IGSF21: variants seen among roughly 807,000 people sequenced by gnomAD.
IGSF21 encodes immunoglobin superfamily member 21, also known as immunoglobulin superfamily member 21.
IGSF21 carries 28 observed loss-of-function variants against 46.8 expected under a neutral mutation model. The observed-to-expected ratio is 0.60, with a 90% confidence interval of 0.44 to 0.82. The LOEUF (loss-of-function observed/expected upper bound fraction) is 0.82, where lower values mean the gene tolerates loss of function less well. Ranked by LOEUF, IGSF21 falls within the 40% of genes least tolerant of loss-of-function variation. The pLI is 0.00. For synonymous variants in IGSF21, 284 were observed against 273.6 expected (o/e 1.04, Z -0.38); for missense variants, 624 against 665.5 (o/e 0.94, Z 0.69).
At chr1:18,341,713 A>G (rs2085843678) in intron 4 of IGSF21, among the ~76,000 whole-genome samples, 1 of 152,218 alleles carries the variant, frequency 6.6e-6, no homozygotes, top group Non-Finnish European at 1.5e-5. Context: ...GTATATAGCC[A>G]TCCTGCATGT....
At chr1:18,152,929 A>G (rs1261030360) in intron 1 of IGSF21, among the ~76,000 whole-genome samples, 1 of 152,174 alleles carries the variant, frequency 6.6e-6, no homozygotes, top group African/African-American at 2.4e-5. Flanking sequence ...GCTATCTTAT[A>G]GGGTACAGGT....
chr1:18,215,018 G>A (rs944987095), intron 1 of IGSF21, among the ~76,000 whole-genome samples: 2 of 152,128 alleles, frequency 1.3e-5, no homozygotes, highest in Non-Finnish European at 2.9e-5. Context: ...AAGATTACAG[G>A]CGTGAGCCAC....
intron 2 of IGSF21, among the ~76,000 whole-genome samples, chr1:18,257,701 T>C (rs930447423): frequency 1.3e-5 from 2 of 152,300 alleles, no homozygotes; most frequent in African/African-American, 4.8e-5. Context: ...GCATGCCTAC[T>C]GTGCACCAGG....
intron 1 of IGSF21, among the ~76,000 whole-genome samples, chr1:18,149,866 A>T (rs1281991138): frequency 6.6e-6 from 1 of 151,970 alleles, no homozygotes; most frequent in Admixed American, 6.6e-5. Flanking sequence ...CTCTGGGATG[A>T]TGTGGAACTC....
intron 1 of IGSF21, among the ~76,000 whole-genome samples, chr1:18,128,429 G>T (rs2086291128): frequency 6.6e-6 from 1 of 152,162 alleles, no homozygotes; most frequent in South Asian, 2.1e-4. Context: ...CCTGGCCAGG[G>T]CGTATGTTTG....
chr1:18,339,090 C>T (rs926511445), intron 4 of IGSF21, among the ~76,000 whole-genome samples: 3 of 152,196 alleles, frequency 2.0e-5, no homozygotes, highest in Non-Finnish European at 4.4e-5. Context: ...GGCCACCCTC[C>T]GCGTGCCAGC....
chr1:18,179,990 T>C (rs1232087734), intron 1 of IGSF21, among the ~76,000 whole-genome samples: 2 of 152,190 alleles, frequency 1.3e-5, no homozygotes, highest in Admixed American at 6.5e-5. Context: ...CCTGGCATCC[T>C]CTTTCCTGGT....
intron 2 of IGSF21, among the ~76,000 whole-genome samples, chr1:18,237,698 T>C (rs2084686168): frequency 6.6e-6 from 1 of 152,228 alleles, no homozygotes; most frequent in East Asian, 1.9e-4. Flanking sequence ...CAGCACCTGG[T>C]AGCTTAGTTA....
At chr1:18,217,591 C>T (rs1487977741) in intron 1 of IGSF21, among the ~76,000 whole-genome samples, 1 of 152,228 alleles carries the variant, frequency 6.6e-6, no homozygotes, top group Non-Finnish European at 1.5e-5. Context: ...CTTCCTGCTG[C>T]CACCTTGTGG....
chr1:18,332,773 C>T (rs1312207624), intron 3 of IGSF21, among the ~76,000 whole-genome samples: 4 of 152,112 alleles, frequency 2.6e-5, no homozygotes, highest in Non-Finnish European at 5.9e-5. Flanking sequence ...CAGATGTCAA[C>T]CTCTGTGTGT....
intron 1 of IGSF21, among the ~76,000 whole-genome samples, chr1:18,195,962 C>A (rs1239935913): frequency 1.3e-5 from 2 of 152,216 alleles, no homozygotes; most frequent in Non-Finnish European, 2.9e-5. Flanking sequence ...GTGGCAGGTG[C>A]AGAGCCCTTG....
chr1:18,158,730 C>T (rs562463905), intron 1 of IGSF21, among the ~76,000 whole-genome samples: 6 of 152,332 alleles, frequency 3.9e-5, no homozygotes, highest in South Asian at 4.1e-4. Flanking sequence ...CTGTGTGACC[C>T]TGGACAAGTC....
intron 4 of IGSF21, 51 bp from the exon 5 acceptor site, chr1:18,362,064 C>T (rs1033681443): frequency 7.5e-7 from 1 of 1,333,640 alleles, no homozygotes; most frequent in Non-Finnish European, 1.1e-6. Context: ...GTGAACTCTT[C>T]CTGAATCTCC....
chr1:18,305,603 T>TGG (rs1167938320), intron 3 of IGSF21, among the ~76,000 whole-genome samples: 48 of 149,140 alleles, frequency 3.2e-4, no homozygotes, highest in African/African-American at 7.6e-4. Context: ...GGATGATGGA[T>TGG]AGATGGATGG....
intron 4 of IGSF21, among the ~76,000 whole-genome samples, chr1:18,353,896 G>A (rs555282315): frequency 6.6e-6 from 1 of 152,366 alleles, no homozygotes; most frequent in East Asian, 1.9e-4. Context: ...TTCTTCCACA[G>A]ATGGGCTATG....
At chr1:18,305,488 T>TGCATGGATGATGGATGGATG (rs1553162222) in intron 3 of IGSF21, among the ~76,000 whole-genome samples, 36 of 50,418 alleles carry the variant, frequency 7.1e-4, no homozygotes, top group Admixed American at 1.6e-3. Flanking sequence ...GATGGATGGA[T>TGCATGGATGATGGATGGATG]GATGGATGGA....
chr1:18,155,976 A>C (rs922119372), intron 1 of IGSF21, among the ~76,000 whole-genome samples: 4 of 152,248 alleles, frequency 2.6e-5, no homozygotes, highest in African/African-American at 9.6e-5. Flanking sequence ...GTGAAGTATT[A>C]ATACATATAA....
rs1327876275 is a variant in IGSF21 at position 18,337,435 on chromosome 1, T to C, written c.424+2425T>C. ...CTGTTGTTTTTATTATCACTGTCTC[T>C]GATGTGCCCACTCCTGGGCACAACT... On this transcript the variant is annotated intron_variant, in intron 4 of 9. Transcript: ENST00000251296. This position sits in a 1 kb window ranked among gnomAD's most constrained non-coding sequence, Gnocchi z 5.7. Among the ~76,000 whole-genome samples the C allele has an allele frequency of 6.6e-6, 1 of 152,214 alleles. No individual in the cohort carries two copies. The highest frequency in any genetic ancestry group is 1.5e-5 in the Non-Finnish European group (1 of 68,026).
At chr1:18,344,943 A>G (rs1454296102) in intron 4 of IGSF21, among the ~76,000 whole-genome samples, 4 of 152,208 alleles carry the variant, frequency 2.6e-5, no homozygotes, top group African/African-American at 9.6e-5. Context: ...AGGAGGCTGC[A>G]GAGGGAGGCA....
Sources: allele counts gnomAD v4.1 joint callset (sites outside exome capture counted in the v4.1 genomes callset), GRCh38; gene constraint gnomAD v4.1.1; non-coding constraint Gnocchi (gnomAD v3.1); transcripts MANE v1.5; gene names NCBI Gene and HGNC (gene_info 2026-07-23, HGNC 2026-07-21).